Variants in OTOGL observed in about 807,000 individuals in gnomAD.
OTOGL encodes the protein otogelin like, also known as otogelin-like protein.
Under a neutral mutation model 318.5 loss-of-function variants are expected in OTOGL, and 285 were observed. The ratio of observed to expected loss-of-function variants is 0.89; its 90% CI spans 0.81 to 0.99. The LOEUF (loss-of-function observed/expected upper bound fraction) is 0.99. Ranked by LOEUF, OTOGL falls within the 50% of genes least tolerant of loss-of-function variation. The pLI is 0.00. For synonymous variants in OTOGL, 987 were observed against 936.5 expected (o/e 1.05, Z -0.99); for missense variants, 2,899 against 2,845.6 (o/e 1.02, Z -0.43).
chr12:80,206,103 G>A (rs576752817), intron 1 of OTOGL, among the ~76,000 whole-genome samples: 117 of 152,252 alleles, frequency 7.7e-4, no homozygotes, highest in African/African-American at 2.8e-3. Flanking sequence ...CTGGTGGCTG[G>A]CTTACTTTTT....
At chr12:80,184,006 GTT>G (rs1380086340) in intron 1 of OTOGL, among the ~76,000 whole-genome samples, 1 of 152,138 alleles carries the variant, frequency 6.6e-6, no homozygotes, top group African/African-American at 2.4e-5. Flanking sequence ...ATATTAGAGT[GTT>G]CTCTCTTCAA....
intron 6 of OTOGL, 57 bp downstream of exon 6, chr12:80,219,969 C>A: frequency 7.9e-7 from 1 of 1,264,788 alleles, no homozygotes. Context: ...AAAATTAAGG[C>A]ATAATTTGCT....
rs750002607 is a variant in OTOGL, at chr12:80,239,318, T to C, written c.946-15T>C. 5.1e-6 allele frequency: 8 copies of C among 1,561,708 alleles called. No individual in the cohort carries two copies. In the African/African-American group the frequency reaches 9.6e-5, roughly 19 times the overall value. ...ATGAAACATAGTCTAGTGACTGCCA[T>C]CTTTTTTTGCACAGGCAATCTTCTT... On this transcript the variant is annotated splice_polypyrimidine_tract_variant and intron_variant, in intron 10 of 58. Coordinates refer to ENST00000547103, the MANE Select transcript of OTOGL (RefSeq NM_001378609.3).
intron 7 of OTOGL, among the ~76,000 whole-genome samples, chr12:80,225,016 T>A (rs550471784): frequency 1.3e-5 from 2 of 151,878 alleles, no homozygotes; most frequent in Admixed American, 6.6e-5. Flanking sequence ...CCCATATATA[T>A]ATGTATATAC....
At chr12:80,313,218 C>G (rs567134744) in intron 30 of OTOGL, among the ~76,000 whole-genome samples, 1 of 152,006 alleles carries the variant, frequency 6.6e-6, no homozygotes, top group African/African-American at 2.4e-5. Flanking sequence ...AAAAATTAAT[C>G]TGTTATATTG....
intron 49 of OTOGL, among the ~76,000 whole-genome samples, chr12:80,357,621 A>G (rs10862095): frequency 1 from 151,657 of 152,278 alleles, 75,523 homozygotes; most frequent in Non-Finnish European, 1. Flanking sequence ...CCCTAGGAAG[A>G]AGAGAAACCA....
chr12:80,195,128 T>C (rs990574752), intron 1 of OTOGL, among the ~76,000 whole-genome samples: 9 of 152,230 alleles, frequency 5.9e-5, no homozygotes, highest in African/African-American at 2.2e-4. Flanking sequence ...TAGGCTATTA[T>C]AACTAATCTT....
At chr12:80,178,345 G>A (rs1409710366) in intron 1 of OTOGL, among the ~76,000 whole-genome samples, 1 of 152,100 alleles carries the variant, frequency 6.6e-6, no homozygotes, top group East Asian at 1.9e-4. Flanking sequence ...ACAGGCATGA[G>A]CCACTGTGCC....
In OTOGL at chr12:80,107,570, A is replaced by G. The variant is rs545162202; in HGVS notation, c.-20+7965A>G. 5.3e-5 allele frequency among the ~76,000 whole-genome samples: 8 copies of G among 152,278 alleles called. No individual in the cohort carries two copies. In the South Asian group the frequency reaches 1.5e-3, roughly 28 times the overall value. On this transcript the variant is annotated intron_variant, in intron 1 of 58. Transcript: ENST00000547103. ...TTCTCAAAGAACTTAAAACAGAATTACCGTTCGACCTAGCAAGCCCCTTAT... is the reference window on the plus strand; with the variant it reads ...TTCTCAAAGAACTTAAAACAGAATTGCCGTTCGACCTAGCAAGCCCCTTAT...
chr12:80,252,274 C>T (rs1340579332), intron 13 of OTOGL, 73 bp downstream of exon 13: 52 of 1,423,408 alleles, frequency 3.7e-5, no homozygotes, highest in Non-Finnish European at 3.6e-5. Context: ...ATCACATCTT[C>T]GTTTTGCTGT....
At chr12:80,251,373 G>A (rs774078162) in intron 11 of OTOGL, among the ~76,000 whole-genome samples, 1 of 151,926 alleles carries the variant, frequency 6.6e-6, no homozygotes, top group Non-Finnish European at 1.5e-5. Flanking sequence ...AAAAATACAC[G>A]GATTATGGGG....
At chr12:80,149,875 A>G (rs951716350) in intron 1 of OTOGL, among the ~76,000 whole-genome samples, 12 of 152,136 alleles carry the variant, frequency 7.9e-5, no homozygotes, top group African/African-American at 2.6e-4. Flanking sequence ...GACCCCTTGC[A>G]CTTCCCGAGT....
chr12:80,353,215 T>C, intron 45 of OTOGL, 110 bp from the exon 46 acceptor site: 2 of 970,764 alleles, frequency 2.1e-6, no homozygotes, highest in Non-Finnish European at 1.4e-6. Context: ...TTGAAGAGAC[T>C]AAAATTTGCA....
chr12:80,190,786 CAAAAAAAAAAAAAAAAA>C (rs55950528), intron 1 of OTOGL, among the ~76,000 whole-genome samples: 9 of 73,678 alleles, frequency 1.2e-4, no homozygotes, highest in South Asian at 4.0e-4. Flanking sequence ...GACTCCGTCT[CAAAAAAAAAAAAAAAAA>C]AAAAAAAAAA....
chr12:80,250,013 C>A (rs1881371639), intron 11 of OTOGL, among the ~76,000 whole-genome samples: 1 of 152,062 alleles, frequency 6.6e-6, no homozygotes, highest in Non-Finnish European at 1.5e-5. Context: ...ATGCCTCGCC[C>A]TGCTTCGGCT....
chr12:80,109,476 A>G (rs775424519), intron 1 of OTOGL, among the ~76,000 whole-genome samples: 4 of 152,168 alleles, frequency 2.6e-5, no homozygotes, highest in Non-Finnish European at 5.9e-5. Context: ...TGTTGTATCT[A>G]TGCATTGCCA....
chr12:80,236,099 A>AT (rs1879823862), intron 9 of OTOGL, among the ~76,000 whole-genome samples: 1 of 152,210 alleles, frequency 6.6e-6, no homozygotes, highest in South Asian at 2.1e-4. Flanking sequence ...TTCTCTCTGC[A>AT]TTCCAACTCA....
In OTOGL at chr12:80,378,074, C is replaced by G. The variant is rs1267674088; in HGVS notation, c.*26C>G. Reference sequence around the variant, plus strand: ...ACCCTTGGGTTCCAAGAGCTCTATACAACATCATAACGTCAGATAGAATTA... The same window carrying G: ...ACCCTTGGGTTCCAAGAGCTCTATAGAACATCATAACGTCAGATAGAATTA... On this transcript the variant is annotated 3_prime_UTR_variant, in exon 59 of 59. Transcript: ENST00000547103. 3 of 1,479,360 alleles carry G rather than the reference C, an allele frequency of 2.0e-6. No individual in the cohort carries two copies. The highest frequency in any genetic ancestry group is 2.8e-6 in the Non-Finnish European group (3 of 1,084,124). The allele number at this position is 1,479,360 out of a possible 1,614,324, so 91.6% of individuals were successfully genotyped here.
intron 1 of OTOGL, among the ~76,000 whole-genome samples, chr12:80,112,782 G>A (rs764492222): frequency 5.4e-5 from 8 of 147,814 alleles, no homozygotes; most frequent in Non-Finnish European, 1.2e-4. Context: ...CATGAGTTAT[G>A]GAGGATTTCC....
Sources: allele counts gnomAD v4.1 joint callset (sites outside exome capture counted in the v4.1 genomes callset), GRCh38; gene constraint gnomAD v4.1.1; transcripts MANE v1.5; gene names NCBI Gene and HGNC (gene_info 2026-07-23, HGNC 2026-07-21).